The following SHANK2 variants were observed in gnomAD, a reference collection of about 807,000 sequenced individuals.
SHANK2 encodes the protein SH3 and multiple ankyrin repeat domains protein 2.
SHANK2 carries 43 observed loss-of-function variants against 133.7 expected under a neutral mutation model. That is an observed-to-expected ratio of 0.32 (90% CI 0.25 to 0.41). SHANK2 has a LOEUF of 0.41. SHANK2 is among the 10% of genes least tolerant of loss of function. SHANK2 has a pLI of 1.00. For synonymous variants in SHANK2, 1,017 were observed against 952.8 expected, an observed-to-expected ratio of 1.07 and a Z score of -1.24; for missense variants, 1,994 against 2,235.8, an observed-to-expected ratio of 0.89 and a Z score of 2.18.
At chr11:70,679,416 G>T (rs556844578) in intron 15 of SHANK2, among the ~76,000 whole-genome samples, 1 of 152,308 alleles carries the variant, frequency 6.6e-6, no homozygotes, top group African/African-American at 2.4e-5. Context: ...CCTATCCCCG[G>T]ACCATCAGGG....
intron 15 of SHANK2, among the ~76,000 whole-genome samples, chr11:70,694,166 A>G (rs1318016793): frequency 6.6e-6 from 1 of 152,174 alleles, no homozygotes; most frequent in Non-Finnish European, 1.5e-5. Flanking sequence ...TGACATTGAA[A>G]TATCTGTAAA....
intron 25 of SHANK2, chr11:70,477,207 G>A (rs1440676897): frequency 6.6e-6 from 1 of 152,288 alleles, no homozygotes; most frequent in Non-Finnish European, 1.5e-5. Flanking sequence ...AAATGAAAAT[G>A]ACAAATGGAA....
intron 10 of SHANK2, chr11:70,911,293 T>A: frequency 2.3e-6 from 1 of 429,992 alleles, no homozygotes; most frequent in South Asian, 1.7e-5. Flanking sequence ...AAGGTGGAGG[T>A]TGCAGTGAGC....
intron 10 of SHANK2, among the ~76,000 whole-genome samples, chr11:70,907,239 C>T (rs1005358896): frequency 2.0e-5 from 3 of 152,220 alleles, no homozygotes; most frequent in Non-Finnish European, 4.4e-5. Flanking sequence ...GCCTGGGTCT[C>T]GTCTGCCAGT....
At chr11:71,136,083 C>T (rs188747048) in intron 3 of SHANK2, among the ~76,000 whole-genome samples, 7 of 152,190 alleles carry the variant, frequency 4.6e-5, no homozygotes, top group Middle Eastern at 3.4e-3. Context: ...CAAAGATGGT[C>T]CCCACGGCGA....
intron 3 of SHANK2, among the ~76,000 whole-genome samples, chr11:71,127,761 T>C (rs1952218270): frequency 6.6e-6 from 1 of 152,256 alleles, no homozygotes; most frequent in Admixed American, 6.5e-5. Flanking sequence ...CCTCATTTTA[T>C]TGCAAGATTC....
chr11:70,602,942 A>G (rs1255793859), intron 17 of SHANK2, among the ~76,000 whole-genome samples: 1 of 152,248 alleles, frequency 6.6e-6, no homozygotes, highest in Non-Finnish European at 1.5e-5. Context: ...TAAACGAGAC[A>G]CACACACCGG....
chr11:71,090,766 G>A (rs1250063695), intron 8 of SHANK2, among the ~76,000 whole-genome samples: 1 of 152,156 alleles, frequency 6.6e-6, no homozygotes, highest in Non-Finnish European at 1.5e-5. Flanking sequence ...ATATTTTAAA[G>A]AGTTGGCTCA....
chr11:70,874,094 A>G (rs1555070724), intron 11 of SHANK2, among the ~76,000 whole-genome samples: 1 of 152,090 alleles, frequency 6.6e-6, no homozygotes, highest in East Asian at 1.9e-4. Context: ...CCATCCATCC[A>G]TCTTATCTAT....
chr11:70,556,402 T>G (rs1345612009), intron 17 of SHANK2, among the ~76,000 whole-genome samples: 2 of 150,582 alleles, frequency 1.3e-5, no homozygotes, highest in Non-Finnish European at 3.0e-5. Context: ...TTTCTCTCTC[T>G]CTCTCTCTCT....
At chr11:70,620,882 T>G (rs1214201719) in intron 17 of SHANK2, among the ~76,000 whole-genome samples, 5 of 152,228 alleles carry the variant, frequency 3.3e-5, no homozygotes, top group Admixed American at 6.5e-5. Context: ...GCTGGCACCT[T>G]GATCTGGGAC....
At chr11:70,613,200 T>A (rs1178686806) in intron 17 of SHANK2, among the ~76,000 whole-genome samples, 1 of 152,002 alleles carries the variant, frequency 6.6e-6, no homozygotes, top group African/African-American at 2.4e-5. Context: ...TTTTTTCATG[T>A]TTTTCTTTTT....
At chr11:70,539,097 G>A (rs142630850) in intron 17 of SHANK2, among the ~76,000 whole-genome samples, 6 of 152,286 alleles carry the variant, frequency 3.9e-5, no homozygotes, top group Non-Finnish European at 5.9e-5. Flanking sequence ...CTGGATCTGC[G>A]GCACACAGAG....
chr11:70,594,945 A>G (rs1332901245), intron 17 of SHANK2, among the ~76,000 whole-genome samples: 3 of 152,198 alleles, frequency 2.0e-5, no homozygotes, highest in Non-Finnish European at 2.9e-5. Context: ...TTTCAAAAAA[A>G]GTGACCCTGA....
At chr11:71,147,054 C>G (rs1952665082) in intron 3 of SHANK2, 66 bp downstream of exon 3, 1 of 1,388,436 alleles carries the variant, frequency 7.2e-7, no homozygotes, top group African/African-American at 1.4e-5. Flanking sequence ...CAGAGCAGGC[C>G]TCTGGCGTTC....
intron 2 of SHANK2, among the ~76,000 whole-genome samples, chr11:71,164,094 C>T (rs2135476290): frequency 6.6e-6 from 1 of 152,258 alleles, no homozygotes; most frequent in East Asian, 1.9e-4. Flanking sequence ...TTTTCAGGTA[C>T]CCTGTGTTTG....
rs782696929 is a variant in SHANK2 at position 70,500,586 on chromosome 11, C to T, written c.2292G>A (p.Ser764=). ...SELEELVDKA[S]VRKKKDKPEE... Reference sequence around the variant, plus strand: ...CTCCCTTACCCTTCTTCTTCCGGACCGAGGCTTGCAAACAGAAAGGGGACC... The same window carrying T: ...CTCCCTTACCCTTCTTCTTCCGGACTGAGGCTTGCAAACAGAAAGGGGACC... Residue 764 remains serine, a synonymous_variant, in exon 21 of 26, where the codon TCG becomes TCA. Transcript: ENST00000601538. This position sits in a 1 kb window ranked among gnomAD's most constrained non-coding sequence, Gnocchi z 4.5. 2.6e-5 allele frequency: 41 copies of T among 1,602,700 alleles called. No individual in the cohort carries two copies. Among genetic ancestry groups the T allele is most frequent in the East Asian group, 2.3e-5 (1 of 44,428 alleles).
chr11:70,557,337 G>A (rs11236616), intron 17 of SHANK2, among the ~76,000 whole-genome samples: 20,965 of 152,098 alleles, frequency 0.14, 1,658 homozygotes, highest in East Asian at 0.38. Flanking sequence ...GTTCCAGGGC[G>A]GGGACTGAAC....
intron 10 of SHANK2, among the ~76,000 whole-genome samples, chr11:70,902,429 C>G (rs146549257): frequency 6.6e-6 from 1 of 152,262 alleles, no homozygotes; most frequent in Non-Finnish European, 1.5e-5. Context: ...GGCCGAGGTC[C>G]CAGCCCCTGC....
Sources: gnomAD v4.1 joint callset for allele counts (sites outside exome capture counted in the v4.1 genomes callset) on GRCh38, gnomAD v4.1.1 for gene constraint, Gnocchi (gnomAD v3.1) non-coding constraint, MANE v1.5 for transcripts, NCBI Gene and HGNC (gene_info 2026-07-23, HGNC 2026-07-21) for gene names.